Variants in TENM4 observed in about 807,000 individuals in gnomAD.
TENM4 encodes teneurin transmembrane protein 4.
In TENM4, 82 loss-of-function variants were observed where a neutral mutation model predicts 243.3. The observed-to-expected ratio is 0.34, with a 90% confidence interval of 0.28 to 0.40. The LOEUF is 0.40. Ranked by LOEUF, TENM4 falls within the 10% of genes least tolerant of loss-of-function variation. The probability of loss-of-function intolerance (pLI) is 1.00; values close to 1 mark genes in which losing one functional copy is unlikely to be tolerated. For synonymous variants in TENM4, 1,412 were observed against 1,456.3 expected, an observed-to-expected ratio of 0.97 and a Z score of 0.69; for missense variants, 3,138 against 3,673.3, an observed-to-expected ratio of 0.85 and a Z score of 3.77.
chr11:79,067,959 G>A (rs1018647801), intron 5 of TENM4: 1 of 152,166 alleles, frequency 6.6e-6, no homozygotes, highest in Non-Finnish European at 1.5e-5. Context: ...TAATTTGAAG[G>A]AGAGTATTTT....
intron 6 of TENM4, among the ~76,000 whole-genome samples, chr11:78,976,890 G>C (rs186236151): frequency 6.6e-6 from 1 of 152,194 alleles, no homozygotes; most frequent in African/African-American, 2.4e-5. Flanking sequence ...AATACCTTTT[G>C]TGTCTGGCAC....
intron 19 of TENM4, among the ~76,000 whole-genome samples, chr11:78,741,186 T>A (rs1193425017): frequency 1.3e-5 from 2 of 152,204 alleles, no homozygotes; most frequent in Non-Finnish European, 2.9e-5. Context: ...TTGTGCCACA[T>A]GCATTTGTCC....
intron 12 of TENM4, among the ~76,000 whole-genome samples, chr11:78,840,073 G>GC (rs1858218608): frequency 6.6e-6 from 1 of 152,130 alleles, no homozygotes; most frequent in Non-Finnish European, 1.5e-5. Context: ...GTAATATTTG[G>GC]CACCTAAGAA....
At chr11:79,414,847 A>G (rs1858779044) in intron 1 of TENM4, among the ~76,000 whole-genome samples, 1 of 152,166 alleles carries the variant, frequency 6.6e-6, no homozygotes, top group South Asian at 2.1e-4. Context: ...GTGCCTCCTG[A>G]GCTCCTTGAA....
At chr11:78,842,899 T>C (rs1018993934) in intron 12 of TENM4, among the ~76,000 whole-genome samples, 70 of 152,174 alleles carry the variant, frequency 4.6e-4, no homozygotes, top group Non-Finnish European at 1.3e-4. Flanking sequence ...GTAGGCCAGG[T>C]GTGATGGCTC....
At chr11:79,052,961 T>C (rs1000685792) in intron 6 of TENM4, among the ~76,000 whole-genome samples, 1 of 152,220 alleles carries the variant, frequency 6.6e-6, no homozygotes, top group East Asian at 1.9e-4. Flanking sequence ...ACATCACCGT[T>C]CTTTGCTTCT....
chr11:79,372,462 AGCAAG>A (rs1296779087), intron 1 of TENM4, among the ~76,000 whole-genome samples: 2 of 152,242 alleles, frequency 1.3e-5, no homozygotes, highest in Non-Finnish European at 2.9e-5. Flanking sequence ...ACAGAAAATC[AGCAAG>A]GATGTGGGGT....
chr11:78,910,190 G>A (rs545613444), intron 6 of TENM4, among the ~76,000 whole-genome samples: 2 of 152,208 alleles, frequency 1.3e-5, no homozygotes, highest in Non-Finnish European at 2.9e-5. Flanking sequence ...CCCACATCCA[G>A]CCCTGCAAAT....
chr11:79,046,819 G>T (rs1479750074), intron 6 of TENM4, among the ~76,000 whole-genome samples: 3 of 152,116 alleles, frequency 2.0e-5, no homozygotes, highest in African/African-American at 7.2e-5. Context: ...AATTTCAGTT[G>T]TTTTGAGGCA....
intron 6 of TENM4, among the ~76,000 whole-genome samples, chr11:79,038,603 A>C (rs770944716): frequency 2.8e-4 from 42 of 152,156 alleles, no homozygotes; most frequent in Non-Finnish European, 5.1e-4. Flanking sequence ...AGCAACACAC[A>C]GGCAGTTGAG....
intron 6 of TENM4, among the ~76,000 whole-genome samples, chr11:78,955,420 T>C (rs1433769775): frequency 1.3e-5 from 2 of 152,180 alleles, no homozygotes; most frequent in Non-Finnish European, 2.9e-5. Flanking sequence ...TGGTCTGGTG[T>C]CCACAAGGGA....
intron 6 of TENM4, among the ~76,000 whole-genome samples, chr11:79,031,062 A>C (rs767349796): frequency 2.0e-5 from 3 of 152,202 alleles, no homozygotes; most frequent in African/African-American, 7.2e-5. Flanking sequence ...CTCCCACTGC[A>C]TTGTAGGGAC....
At chr11:79,342,796 C>T (rs563029892) in intron 1 of TENM4, among the ~76,000 whole-genome samples, 2 of 152,294 alleles carry the variant, frequency 1.3e-5, no homozygotes, top group South Asian at 2.1e-4. Flanking sequence ...GCCAGCCTGG[C>T]GTCATCTGGA....
At chr11:79,144,887 C>A (rs1862368486) in intron 4 of TENM4, among the ~76,000 whole-genome samples, 1 of 151,888 alleles carries the variant, frequency 6.6e-6, no homozygotes, top group Non-Finnish European at 1.5e-5. Flanking sequence ...TGATTACAGT[C>A]AACAATAATT....
chr11:79,030,361 C>A (rs1435204765), intron 6 of TENM4, among the ~76,000 whole-genome samples: 1 of 152,174 alleles, frequency 6.6e-6, no homozygotes, highest in Non-Finnish European at 1.5e-5. Flanking sequence ...CCCAAGTCCT[C>A]ACTTGAAATC....
intron 6 of TENM4, among the ~76,000 whole-genome samples, chr11:78,998,015 C>T (rs945258467): frequency 3.3e-5 from 5 of 152,180 alleles, no homozygotes; most frequent in African/African-American, 9.7e-5. Context: ...TTAGCCAGAA[C>T]GTATGCCCTC....
chr11:78,801,440 C>T (rs618085), intron 15 of TENM4, among the ~76,000 whole-genome samples: 113,402 of 152,090 alleles, frequency 0.75, 43,042 homozygotes, highest in Non-Finnish European at 0.8. Context: ...TGAGGCTGGA[C>T]TGAAAGAGGA....
At chr11:79,219,770 G>A (rs1864123136) in intron 2 of TENM4, among the ~76,000 whole-genome samples, 1 of 152,212 alleles carries the variant, frequency 6.6e-6, no homozygotes, top group African/African-American at 2.4e-5. Flanking sequence ...CCACCGGTAT[G>A]TGGAGCTTGA....
intron 6 of TENM4, among the ~76,000 whole-genome samples, chr11:78,940,574 C>T (rs768241055): frequency 1.3e-5 from 2 of 152,232 alleles, no homozygotes; most frequent in Non-Finnish European, 2.9e-5. Flanking sequence ...CAGGCTCAGA[C>T]TGAAGTCAGT....
Sources: gnomAD v4.1 joint callset for allele counts (sites outside exome capture counted in the v4.1 genomes callset) on GRCh38, gnomAD v4.1.1 for gene constraint, MANE v1.5 for transcripts, NCBI Gene and HGNC (gene_info 2026-07-23, HGNC 2026-07-21) for gene names.